The following STK31 variants were observed in gnomAD, a reference collection of about 807,000 sequenced individuals.
The protein encoded by STK31 is serine/threonine kinase 31, also known as serine/threonine-protein kinase 31.
A neutral mutation model predicts 129.7 loss-of-function variants in STK31; 89 were observed. The ratio of observed to expected loss-of-function variants is 0.69; its 90% CI spans 0.58 to 0.82. STK31 has a LOEUF of 0.82. Among genes scored for constraint, STK31 ranks in the 40% least tolerant of loss-of-function variants. The probability of loss-of-function intolerance (pLI) is 0.00; values close to 1 mark genes in which losing one functional copy is unlikely to be tolerated. For missense variants in STK31, 1,187 were observed against 1,176.4 expected (o/e 1.01, Z -0.13); for synonymous variants, 448 against 395.3 (o/e 1.13, Z -1.58).
At chr7:23,808,144 C>CT (rs1224019836) in intron 22 of STK31, among the ~76,000 whole-genome samples, 11 of 117,850 alleles carry the variant, frequency 9.3e-5, no homozygotes, top group African/African-American at 2.6e-4. Flanking sequence ...ACTATGAATC[C>CT]TTTTTAATAT....
intron 15 of STK31, 25 bp downstream of exon 15, chr7:23,772,303 G>T (rs1198529340): frequency 3.8e-6 from 6 of 1,591,932 alleles, no homozygotes; most frequent in Non-Finnish European, 4.3e-6. Flanking sequence ...GTTTCTTACT[G>T]ATCTTTATGT....
In STK31 at chr7:23,787,846, T is replaced by C. The variant is rs115541463; in HGVS notation, c.2488-134T>C. On this transcript the variant is annotated intron_variant, in intron 20 of 23. Transcript: ENST00000355870. Reference sequence around the variant, plus strand: ...CAAGCCTTCATCTGGTCTTTCTCTATGCTGTATTCTTATTAATGGTTCATT... The same window carrying C: ...CAAGCCTTCATCTGGTCTTTCTCTACGCTGTATTCTTATTAATGGTTCATT... 9.8e-4 allele frequency: 753 copies of C among 768,212 alleles called. 5 individuals are homozygous for C. The African/African-American group carries it at 0.012, about 13-fold the overall frequency. 47.6% of individuals were successfully genotyped at this position (768,212 alleles called of 1,614,324 possible). A position where few individuals can be genotyped will look rare whatever the true frequency, so the allele number is the denominator to read the frequency against.
In STK31 at chr7:23,729,258, C is replaced by T. The variant is rs767270571; in HGVS notation, c.483+9C>T. On this transcript the variant is annotated intron_variant, in intron 6 of 23. Transcript: ENST00000355870. ...TTACCCAGTTTGATCAGGCAAGTCACGTATTTTAAATATTTTTGCTAATGA... is the reference window on the plus strand; with the variant it reads ...TTACCCAGTTTGATCAGGCAAGTCATGTATTTTAAATATTTTTGCTAATGA... 9.6e-6 allele frequency: 15 copies of T among 1,561,198 alleles called. No homozygotes were observed. Among genetic ancestry groups the T allele is most frequent in the South Asian group, 1.2e-5 (1 of 81,204 alleles).
Position 23,784,862 on chromosome 7 carries a change from G to A in STK31, c.2149-616G>A, listed in dbSNP as rs1791167232. On this transcript the variant is annotated intron_variant, in intron 17 of 23. Coordinates refer to ENST00000355870, the MANE Select transcript of STK31 (RefSeq NM_031414.5). ...TATTGAAAGCCATTTTCACTTTTGA[G>A]GACTCCAAACAGGGGCAGAGGTGTT... 2.6e-5 allele frequency among the ~76,000 whole-genome samples: 4 copies of A among 152,212 alleles called. No individual in the cohort carries two copies. In the South Asian group the frequency reaches 8.3e-4, roughly 32 times the overall value.
At chr7:23,785,445 G>T (rs1176994883) in intron 17 of STK31, 33 bp from the exon 18 acceptor site, 1 of 1,600,556 alleles carries the variant, frequency 6.2e-7, no homozygotes. Context: ...GGATTGTTTG[G>T]ATTCTTTAAC....
chr7:23,766,775 A>AT (rs1018268263), intron 11 of STK31, among the ~76,000 whole-genome samples: 4 of 151,708 alleles, frequency 2.6e-5, no homozygotes, highest in African/African-American at 9.7e-5. Flanking sequence ...TCCCCCATTA[A>AT]TTTTTTCTCT....
At chr7:23,726,362 C>G (rs1457121829) in intron 4 of STK31, 1 of 130,416 alleles carries the variant, frequency 7.7e-6, no homozygotes, top group Non-Finnish European at 1.5e-5. Flanking sequence ...GCCAGTAGTG[C>G]TAAGGCTACT....
At chr7:23,822,973 C>G (rs1276257578) in intron 23 of STK31, among the ~76,000 whole-genome samples, 18 of 152,204 alleles carry the variant, frequency 1.2e-4, no homozygotes, top group Admixed American at 9.2e-4. Flanking sequence ...ATATGTGCCA[C>G]ATTTTCTTAA....
chr7:23,720,085 T>A (rs1284757934), intron 4 of STK31, among the ~76,000 whole-genome samples: 1 of 152,188 alleles, frequency 6.6e-6, no homozygotes, highest in Non-Finnish European at 1.5e-5. Context: ...TTATCACTGA[T>A]AAGCTACAAT....
chr7:23,796,355 G>T (rs1285501385), intron 22 of STK31, among the ~76,000 whole-genome samples: 2 of 149,066 alleles, frequency 1.3e-5, no homozygotes, highest in African/African-American at 2.5e-5. Flanking sequence ...AACATATCAA[G>T]TTTTTTTTTT....
At chr7:23,736,871 T>A (rs1787749257) in intron 7 of STK31, 33 bp from the exon 8 acceptor site, 1 of 1,567,016 alleles carries the variant, frequency 6.4e-7, no homozygotes, top group Non-Finnish European at 8.6e-7. Flanking sequence ...TTATACAGTT[T>A]GTTTGTCAAA....
chr7:23,729,179 G>A lies in STK31; in HGVS notation c.413G>A (p.Ser138Asn), dbSNP rs778100203. The A allele has an allele frequency of 1.1e-5, 17 of 1,611,834 alleles. No individual in the cohort carries two copies. The Admixed American group carries it at 2.8e-4, about 27-fold the overall frequency. ...ATTCCTTTGGAGCTGCAGTTTTCTA[G>A]TGTTGCCAAAAAGTATAAACTTTGG... ...VEIPLELQFS[S>N]VAKKYKLWGL... Residue 138 changes from serine to asparagine, a missense_variant, in exon 6 of 24, where the codon AGT becomes AAT. Physicochemically the swap from Ser to Asn is conservative, Grantham distance 46 (BLOSUM62 1). Transcript: ENST00000355870.
At chr7:23,800,484 A>G (rs1318594786) in intron 22 of STK31, among the ~76,000 whole-genome samples, 1 of 152,214 alleles carries the variant, frequency 6.6e-6, no homozygotes, top group Non-Finnish European at 1.5e-5. Flanking sequence ...ACACAGGAAC[A>G]GAAAACCAAA....
In STK31 at chr7:23,757,781, G is replaced by A. The variant is rs1156228916; in HGVS notation, c.1293+3307G>A. Among the ~76,000 whole-genome samples the A allele has an allele frequency of 3.9e-5, 6 of 152,018 alleles. No homozygotes were observed. The East Asian group carries it at 9.7e-4, about 25-fold the overall frequency. On this transcript the variant is annotated intron_variant, in intron 10 of 23. Transcript: ENST00000355870. The stretch of plus-strand genomic sequence containing the variant: ...CTTTATGGGTGTCGGGCTGGGGGAC[G>A]GTCAGGTCTTTCCCTTCCCACGAAG...
chr7:23,775,970 A>G (rs1790511323), intron 15 of STK31, among the ~76,000 whole-genome samples: 1 of 152,222 alleles, frequency 6.6e-6, no homozygotes, highest in Non-Finnish European at 1.5e-5. Flanking sequence ...TGGGTTTGTC[A>G]TAAATGGCTC....
Position 23,710,267 on chromosome 7 carries a change from G to C in STK31, c.-19G>C, listed in dbSNP as rs1472350582. The C allele has an allele frequency of 6.2e-7, 1 of 1,610,112 alleles. No homozygotes were observed. Among genetic ancestry groups the C allele is most frequent in the Non-Finnish European group, 8.5e-7 (1 of 1,179,338 alleles). On this transcript the variant is annotated 5_prime_UTR_variant, in exon 1 of 24. Coordinates refer to ENST00000355870, the MANE Select transcript of STK31 (RefSeq NM_031414.5). ...CCGCTGCACGTGTGCTACGGCGGGC[G>C]GAGGGCCGAAAGTCCAGTATGTGGG...
intron 13 of STK31, among the ~76,000 whole-genome samples, chr7:23,770,523 A>G (rs900876367): frequency 1.3e-5 from 2 of 152,194 alleles, no homozygotes; most frequent in African/African-American, 4.8e-5. Context: ...TCTTATATTT[A>G]GCATATTAGT....
At chr7:23,729,511 GTTTT>G (rs72476098) in intron 6 of STK31, among the ~76,000 whole-genome samples, 1 of 121,726 alleles carries the variant, frequency 8.2e-6, no homozygotes, top group Admixed American at 8.1e-5. Flanking sequence ...GTCTCTTTTT[GTTTT>G]TTTTTTTTTT....
At chr7:23,772,367 T>G in intron 15 of STK31, 89 bp downstream of exon 15, 1 of 1,325,132 alleles carries the variant, frequency 7.5e-7, no homozygotes, top group Non-Finnish European at 1.0e-6. Flanking sequence ...AAATACACTC[T>G]TTACAATAAG....
Sources: gnomAD v4.1 joint callset for allele counts (sites outside exome capture counted in the v4.1 genomes callset) on GRCh38, gnomAD v4.1.1 for gene constraint, MANE v1.5 for transcripts, NCBI Gene and HGNC (gene_info 2026-07-23, HGNC 2026-07-21) for gene names.